The following SASH1 variants were observed in gnomAD, a reference collection of about 807,000 sequenced individuals.
The protein encoded by SASH1 is SAM and SH3 domain-containing protein 1.
SASH1 carries 44 observed loss-of-function variants against 125.2 expected under a neutral mutation model. That is an observed-to-expected ratio of 0.35 (90% CI 0.28 to 0.45). The LOEUF is 0.45. Ranked by LOEUF, SASH1 falls within the 20% of genes least tolerant of loss-of-function variation. The pLI, the probability that SASH1 is intolerant of heterozygous loss-of-function variation, is 1.00. For synonymous variants in SASH1, 639 were observed against 649.1 expected (o/e 0.98, Z 0.24); for missense variants, 1,426 against 1,614.5 (o/e 0.88, Z 2.00).
At position 148,534,879 on chromosome 6, in the gene SASH1, G is replaced by T. The variant is rs1251941850; in HGVS notation, c.2073G>T (p.Val691=). 7.4e-6 allele frequency: 12 copies of T among 1,614,232 alleles called. No homozygotes were observed. In the East Asian group the frequency reaches 2.7e-4, roughly 36 times the overall value. Residue 691 remains valine, a synonymous_variant, in exon 16 of 20, where the codon GTG becomes GTT. Coordinates refer to ENST00000367467, the MANE Select transcript of SASH1 (RefSeq NM_015278.5). Reference sequence around the variant, plus strand: ...ACAGAGCTGTTCTCTTGACAGCAGTGGAGCTGTTACAAGAGTATGACAGTA... The same window carrying T: ...ACAGAGCTGTTCTCTTGACAGCAGTTGAGCTGTTACAAGAGTATGACAGTA... ...PEHRAVLLTA[V]ELLQEYDSNS... is the part of the protein sequence containing the mutation.
At chr6:148,228,657 C>T in the SASH1 span, among the ~76,000 whole-genome samples, 1 of 152,174 alleles carries the variant, frequency 6.6e-6, no homozygotes, top group Non-Finnish European at 1.5e-5. Flanking sequence ...GGAGCCATTA[C>T]CAAGGTGTTC....
intron 2 of SASH1, among the ~76,000 whole-genome samples, chr6:148,397,442 A>G (rs888954714): frequency 4.6e-5 from 7 of 152,176 alleles, no homozygotes; most frequent in African/African-American, 1.7e-4. Context: ...CCGAGATCGC[A>G]CTATTGCACT....
chr6:148,539,203 ATTTT>A (rs763754816), intron 16 of SASH1, among the ~76,000 whole-genome samples: 87 of 129,802 alleles, frequency 6.7e-4, no homozygotes, highest in Non-Finnish European at 1.3e-3. Context: ...TCTTTATTTT[ATTTT>A]TTATTTATTT....
the SASH1 span, among the ~76,000 whole-genome samples, chr6:148,235,289 A>T: frequency 6.6e-6 from 1 of 152,188 alleles, no homozygotes; most frequent in East Asian, 1.9e-4. Flanking sequence ...TGTCATCTTA[A>T]TCATTTGGCG....
chr6:148,363,657 C>G (rs537154938), intron 1 of SASH1, among the ~76,000 whole-genome samples: 1 of 152,134 alleles, frequency 6.6e-6, no homozygotes, highest in African/African-American at 2.4e-5. Context: ...GTCTCGGCCT[C>G]CCAAAGTGCT....
chr6:148,196,776 G>A, the SASH1 span, among the ~76,000 whole-genome samples: 1 of 152,222 alleles, frequency 6.6e-6, no homozygotes, highest in South Asian at 2.1e-4. Context: ...AGACGGCATG[G>A]TTCAGAAATT....
intron 1 of SASH1, among the ~76,000 whole-genome samples, chr6:148,359,108 A>ATG (rs1350095569): frequency 2.7e-5 from 4 of 147,114 alleles, no homozygotes; most frequent in African/African-American, 1.0e-4. Flanking sequence ...AAGTATGTAT[A>ATG]TATAGGCATA....
At chr6:148,476,814 A>C (rs1454345077) in intron 7 of SASH1, among the ~76,000 whole-genome samples, 1 of 152,202 alleles carries the variant, frequency 6.6e-6, no homozygotes, top group Non-Finnish European at 1.5e-5. Context: ...CTTCAAATCT[A>C]TACTACGGAG....
chr6:148,308,076 T>G (rs1780190534), intron 1 of SASH1, among the ~76,000 whole-genome samples: 2 of 152,122 alleles, frequency 1.3e-5, no homozygotes, highest in African/African-American at 4.8e-5. Context: ...CTTTTTGATC[T>G]CTTTCTTGGG....
chr6:148,406,039 C>A (rs762556505), intron 2 of SASH1, among the ~76,000 whole-genome samples: 1 of 152,214 alleles, frequency 6.6e-6, no homozygotes, highest in Non-Finnish European at 1.5e-5. Context: ...TGCCCTGTGC[C>A]TATGCCACAC....
At chr6:148,290,932 TCATTATGTTTTATGAAAGAGATAAAAGG>T in intron 1 of SASH1, among the ~76,000 whole-genome samples, 2 of 150,530 alleles carry the variant, frequency 1.3e-5, no homozygotes, top group Non-Finnish European at 3.0e-5. Flanking sequence ...CTTTAAAATT[TCATTATGTTTTATGAAAGAGATAAAAGG>T]CATCTTTTCT....
At chr6:148,335,024 G>A (rs1186098622) in intron 1 of SASH1, among the ~76,000 whole-genome samples, 5 of 150,114 alleles carry the variant, frequency 3.3e-5, no homozygotes, top group Non-Finnish European at 4.4e-5. Context: ...GAGGCCGGGC[G>A]TGGTGGCTCA....
At chr6:148,462,730 T>C (rs1777675301) in intron 4 of SASH1, among the ~76,000 whole-genome samples, 1 of 152,214 alleles carries the variant, frequency 6.6e-6, no homozygotes, top group Non-Finnish European at 1.5e-5. Flanking sequence ...TGGTATCCCC[T>C]TTCTGTCTAT....
intron 2 of SASH1, among the ~76,000 whole-genome samples, chr6:148,412,404 A>G (rs1292657037): frequency 4.6e-5 from 7 of 152,320 alleles, no homozygotes; most frequent in East Asian, 3.9e-4. Context: ...TCCATGAATG[A>G]AAGAAAAAGT....
chr6:148,215,776 CT>C, the SASH1 span, among the ~76,000 whole-genome samples: 1 of 152,136 alleles, frequency 6.6e-6, no homozygotes, highest in Non-Finnish European at 1.5e-5. Flanking sequence ...CTTGCTGGAA[CT>C]TTTCCACAGC....
intron 8 of SASH1, among the ~76,000 whole-genome samples, chr6:148,492,123 G>A (rs1335468961): frequency 6.6e-6 from 1 of 152,210 alleles, no homozygotes; most frequent in East Asian, 1.9e-4. Context: ...CAAGGGAGAG[G>A]TTAGAAGACT....
At chr6:148,209,263 G>A in the SASH1 span, among the ~76,000 whole-genome samples, 1 of 152,160 alleles carries the variant, frequency 6.6e-6, no homozygotes, top group Non-Finnish European at 1.5e-5. Context: ...CTTCATCATA[G>A]CTGAATTCCT....
chr6:148,505,664 T>C (rs1779759336), intron 8 of SASH1, among the ~76,000 whole-genome samples: 1 of 149,950 alleles, frequency 6.7e-6, no homozygotes, highest in African/African-American at 2.5e-5. Context: ...TTTTTGGAGA[T>C]AGAGTGTCGC....
intron 2 of SASH1, among the ~76,000 whole-genome samples, chr6:148,397,499 T>G (rs1784008051): frequency 6.6e-6 from 1 of 152,120 alleles, no homozygotes; most frequent in African/African-American, 2.4e-5. Flanking sequence ...AAAAAATTTG[T>G]TTTGAGGTAT....
Sources: allele counts gnomAD v4.1 joint callset (sites outside exome capture counted in the v4.1 genomes callset), GRCh38; gene constraint gnomAD v4.1.1; transcripts MANE v1.5; gene names NCBI Gene and HGNC (gene_info 2026-07-23, HGNC 2026-07-21).